MIPOL1: variants seen among roughly 807,000 people sequenced by gnomAD.
MIPOL1 encodes mirror-image polydactyly 1, also known as mirror-image polydactyly gene 1 protein.
Under a neutral mutation model 60.9 loss-of-function variants are expected in MIPOL1, and 57 were observed. The observed-to-expected ratio is 0.94, with a 90% CI of 0.76 to 1.17. MIPOL1 has a LOEUF of 1.17. Among genes scored for constraint, MIPOL1 ranks in the 50% most tolerant of loss-of-function variants. MIPOL1 has a pLI of 0.00. For missense variants in MIPOL1, 551 were observed against 511.6 expected, an observed-to-expected ratio of 1.08 and a Z score of -0.74; for synonymous variants, 179 against 168.8, an observed-to-expected ratio of 1.06 and a Z score of -0.47.
intron 6 of MIPOL1, 125 bp from the exon 7 acceptor site, chr14:37,285,192 TG>T: frequency 1.1e-6 from 1 of 891,070 alleles, no homozygotes; most frequent in Non-Finnish European, 1.7e-6. Context: ...ATTGATTGAT[TG>T]ATATTAATTC....
At chr14:37,435,338 G>A (rs1294776860) in intron 11 of MIPOL1, among the ~76,000 whole-genome samples, 2 of 152,118 alleles carry the variant, frequency 1.3e-5, no homozygotes, top group African/African-American at 4.8e-5. Flanking sequence ...AATGTCACAT[G>A]AGTCTGTTCC....
At chr14:37,436,355 A>T (rs895544190) in intron 11 of MIPOL1, among the ~76,000 whole-genome samples, 3 of 152,156 alleles carry the variant, frequency 2.0e-5, no homozygotes, top group Non-Finnish European at 1.5e-5. Flanking sequence ...AATTTCACTC[A>T]GTTTAATTAG....
At chr14:37,314,603 T>G (rs1314700787) in intron 9 of MIPOL1, among the ~76,000 whole-genome samples, 1 of 152,170 alleles carries the variant, frequency 6.6e-6, no homozygotes, top group Admixed American at 6.6e-5. Context: ...ATATCATCTC[T>G]TCTGTAAAGA....
intron 10 of MIPOL1, among the ~76,000 whole-genome samples, chr14:37,394,922 A>G (rs1443377978): frequency 6.6e-6 from 1 of 152,160 alleles, no homozygotes; most frequent in Non-Finnish European, 1.5e-5. Context: ...TCCTTAATCC[A>G]TATTTAGTTG....
At chr14:37,485,830 G>C (rs769601058) in intron 11 of MIPOL1, among the ~76,000 whole-genome samples, 15 of 152,040 alleles carry the variant, frequency 9.9e-5, no homozygotes, top group Non-Finnish European at 2.1e-4. Flanking sequence ...AAGCTCTTTA[G>C]TTCAATTAGA....
chr14:37,236,268 A>AT (rs1464860988), intron 1 of MIPOL1, among the ~76,000 whole-genome samples: 2 of 151,952 alleles, frequency 1.3e-5, no homozygotes, highest in Non-Finnish European at 2.9e-5. Flanking sequence ...TATGAGTCAT[A>AT]TGTCATTGTG....
intron 9 of MIPOL1, among the ~76,000 whole-genome samples, chr14:37,315,197 A>G (rs966760364): frequency 2.6e-5 from 4 of 152,190 alleles, no homozygotes; most frequent in African/African-American, 9.7e-5. Context: ...CCAGCTGTGC[A>G]GAGAGCTATG....
intron 1 of MIPOL1, among the ~76,000 whole-genome samples, chr14:37,216,326 A>G (rs1440878437): frequency 6.6e-6 from 1 of 152,250 alleles, no homozygotes; most frequent in Non-Finnish European, 1.5e-5. Flanking sequence ...GCTTCAATAC[A>G]GTAATAGCTG....
Position 37,369,639 on chromosome 14 carries a change from C to T in MIPOL1, c.936+15C>T. 1.9e-6 allele frequency: 3 copies of T among 1,598,948 alleles called. No homozygotes were observed. In the South Asian group the frequency reaches 3.3e-5, roughly 18 times the overall value. ...GTGCTCTGAAGGTAAATCTCCGTTC[C>T]TTCTTGCAGGCAAATTAAGGTTGTA... On this transcript the variant is annotated intron_variant, in intron 10 of 12. Coordinates refer to ENST00000684589, the MANE Select transcript of MIPOL1 (RefSeq NM_001388067.1).
intron 10 of MIPOL1, among the ~76,000 whole-genome samples, chr14:37,382,999 AGTCT>A (rs1485583901): frequency 1.3e-5 from 2 of 151,684 alleles, no homozygotes; most frequent in East Asian, 3.9e-4. Flanking sequence ...TATATTTCAC[AGTCT>A]TGAAAAAAAT....
intron 3 of MIPOL1, among the ~76,000 whole-genome samples, chr14:37,252,342 G>A (rs907586947): frequency 1.3e-5 from 2 of 151,872 alleles, no homozygotes; most frequent in Non-Finnish European, 2.9e-5. Flanking sequence ...TAGAATGGCT[G>A]TGTAAATAGA....
At chr14:37,215,952 C>T (rs1408836802) in intron 1 of MIPOL1, among the ~76,000 whole-genome samples, 3 of 151,550 alleles carry the variant, frequency 2.0e-5, no homozygotes, top group African/African-American at 4.9e-5. Context: ...CCTGCAACCC[C>T]AGCTACCCAG....
chr14:37,383,282 A>C (rs2092974864), intron 10 of MIPOL1, among the ~76,000 whole-genome samples: 1 of 151,770 alleles, frequency 6.6e-6, no homozygotes, highest in African/African-American at 2.4e-5. Flanking sequence ...TTCTTTTGAT[A>C]CTTGCTATTT....
chr14:37,458,529 T>A (rs1327378493), intron 11 of MIPOL1, among the ~76,000 whole-genome samples: 4 of 152,048 alleles, frequency 2.6e-5, no homozygotes, highest in Non-Finnish European at 5.9e-5. Flanking sequence ...CTATCAAAAC[T>A]ATGTAAATAC....
chr14:37,217,687 C>T (rs941862587), intron 1 of MIPOL1, among the ~76,000 whole-genome samples: 1 of 152,194 alleles, frequency 6.6e-6, no homozygotes, highest in South Asian at 2.1e-4. Flanking sequence ...TAAAATTCAG[C>T]TTCCCTTCTT....
At chr14:37,396,778 C>A (rs2093380105) in intron 10 of MIPOL1, among the ~76,000 whole-genome samples, 1 of 152,070 alleles carries the variant, frequency 6.6e-6, no homozygotes, top group Non-Finnish European at 1.5e-5. Context: ...CCGAGACTTT[C>A]CAGAGCATTT....
In MIPOL1 at chr14:37,228,136, A is replaced by G. The variant is rs150403775; in HGVS notation, c.-198-18967A>G. Reference sequence around the variant, plus strand: ...GATTTCTGTATTGGTGGGACAGACAATGATTGACCTAAGGCAACATCAGGG... The same window carrying G: ...GATTTCTGTATTGGTGGGACAGACAGTGATTGACCTAAGGCAACATCAGGG... On this transcript the variant is annotated intron_variant, in intron 1 of 12. Transcript: ENST00000684589. 2.4e-3 allele frequency among the ~76,000 whole-genome samples: 371 copies of G among 152,182 alleles called. 1 individual carries two copies. Among genetic ancestry groups the G allele is most frequent in the African/African-American group, 8.5e-3 (352 of 41,522 alleles).
chr14:37,435,535 A>T (rs2094150258), intron 11 of MIPOL1, among the ~76,000 whole-genome samples: 1 of 151,938 alleles, frequency 6.6e-6, no homozygotes, highest in African/African-American at 2.4e-5. Flanking sequence ...TAACCGCTGA[A>T]TCTTATACCT....
chr14:37,358,359 T>C (rs1395371980), intron 9 of MIPOL1, among the ~76,000 whole-genome samples: 1 of 152,212 alleles, frequency 6.6e-6, no homozygotes, highest in East Asian at 1.9e-4. Context: ...TATCCAGCAA[T>C]GGAATCACTG....
Sources: allele counts gnomAD v4.1 joint callset (sites outside exome capture counted in the v4.1 genomes callset), GRCh38; gene constraint gnomAD v4.1.1; transcripts MANE v1.5; gene names NCBI Gene and HGNC (gene_info 2026-07-23, HGNC 2026-07-21).